NRDC: variants seen among roughly 807,000 people sequenced by gnomAD.
NRDC encodes the protein nardilysin convertase, also known as nardilysin.
NRDC carries 54 observed loss-of-function variants against 147.1 expected under a neutral mutation model. The observed-to-expected ratio is 0.37, with a 90% CI of 0.29 to 0.46. The LOEUF (loss-of-function observed/expected upper bound fraction) is 0.46, where lower values mean the gene tolerates loss of function less well. NRDC is among the 20% of genes least tolerant of loss of function. The probability of loss-of-function intolerance (pLI) is 1.00; values close to 1 mark genes in which losing one functional copy is unlikely to be tolerated. For synonymous variants in NRDC, 440 were observed against 482.1 expected, an observed-to-expected ratio of 0.91 and a Z score of 1.14; for missense variants, 1,082 against 1,370.6, an observed-to-expected ratio of 0.79 and a Z score of 3.33.
chr1:51,823,906 G>C, intron 6 of NRDC, 120 bp from the exon 7 acceptor site: 1 of 571,006 alleles, frequency 1.8e-6, no homozygotes, highest in South Asian at 3.4e-5. Context: ...AGGGACTCAA[G>C]AATATTGAAC....
intron 6 of NRDC, among the ~76,000 whole-genome samples, chr1:51,824,264 T>C (rs569434412): frequency 6.4e-4 from 98 of 152,216 alleles, no homozygotes; most frequent in African/African-American, 2.3e-3. Flanking sequence ...TAGCTGGGAC[T>C]ACAGGCATGA....
At chr1:51,877,006 G>A (rs560731858) in intron 1 of NRDC, among the ~76,000 whole-genome samples, 10 of 152,164 alleles carry the variant, frequency 6.6e-5, no homozygotes, top group Non-Finnish European at 2.9e-5. Flanking sequence ...GGCCAATATG[G>A]TGAAACCCCG....
intron 20 of NRDC, 100 bp downstream of exon 20, chr1:51,803,714 A>T: frequency 1.1e-6 from 1 of 903,844 alleles, no homozygotes; most frequent in Non-Finnish European, 1.7e-6. Flanking sequence ...ATCCACATTA[A>T]TAAACATTTA....
At chr1:51,835,474 T>G (rs1223579868) in intron 3 of NRDC, among the ~76,000 whole-genome samples, 5 of 147,028 alleles carry the variant, frequency 3.4e-5, no homozygotes, top group Middle Eastern at 3.4e-3. Context: ...CTTGTTTTTT[T>G]TTTTTTTTTT....
chr1:51,822,025 G>A (rs1680233045), intron 7 of NRDC, among the ~76,000 whole-genome samples: 1 of 151,558 alleles, frequency 6.6e-6, no homozygotes, highest in Non-Finnish European at 1.5e-5. Flanking sequence ...TAACTCATAG[G>A]TCTTCTTTTT....
intron 1 of NRDC, chr1:51,862,256 G>T (rs950528094): frequency 6.6e-6 from 1 of 151,198 alleles, no homozygotes; most frequent in Non-Finnish European, 1.5e-5. Context: ...TTTCCCCCCC[G>T]CCAATAAAAG....
chr1:51,795,326 T>A, intron 22 of NRDC: 1 of 737,522 alleles, frequency 1.4e-6, no homozygotes, highest in Non-Finnish European at 1.9e-6. Flanking sequence ...AGCTCTTCTC[T>A]AAAGTGATTT....
intron 22 of NRDC, among the ~76,000 whole-genome samples, chr1:51,797,307 C>T (rs1355708948): frequency 6.6e-6 from 1 of 152,126 alleles, no homozygotes. Flanking sequence ...ATTCTGTACC[C>T]ATAAAATAAC....
intron 20 of NRDC, among the ~76,000 whole-genome samples, chr1:51,803,193 C>T (rs757431173): frequency 5.9e-5 from 9 of 152,242 alleles, no homozygotes; most frequent in Admixed American, 3.3e-4. Context: ...TGTTATTCCA[C>T]AGCCGGCATG....
At chr1:51,837,419 A>C (rs898066089) in intron 2 of NRDC, 1 of 1,360,938 alleles carries the variant, frequency 7.3e-7, no homozygotes, top group Non-Finnish European at 9.7e-7. Flanking sequence ...CAGTTAAAAC[A>C]TTGGGGAATA....
At chr1:51,847,280 G>A (rs1024477895) in intron 1 of NRDC, among the ~76,000 whole-genome samples, 6 of 152,312 alleles carry the variant, frequency 3.9e-5, no homozygotes, top group South Asian at 2.1e-4. Context: ...AAGGTTCTCC[G>A]AGTCCCCACT....
intron 20 of NRDC, 115 bp from the exon 21 acceptor site, chr1:51,800,798 G>C (rs1378667369): frequency 1.0e-6 from 1 of 999,834 alleles, no homozygotes; most frequent in South Asian, 1.7e-5. Context: ...AGGCATTGTG[G>C]GGGGACATAA....
chr1:51,835,065 T>C (rs1288177608), intron 3 of NRDC, among the ~76,000 whole-genome samples: 1 of 152,168 alleles, frequency 6.6e-6, no homozygotes, highest in Non-Finnish European at 1.5e-5. Context: ...TTTTTTTGTT[T>C]GTTTGTTTGT....
chr1:51,828,882 T>A (rs1680576036), intron 4 of NRDC, among the ~76,000 whole-genome samples: 1 of 152,112 alleles, frequency 6.6e-6, no homozygotes, highest in South Asian at 2.1e-4. Flanking sequence ...CCATTTTTTT[T>A]TAAATCTTTA....
At chr1:51,866,796 T>C (rs1208054252) in intron 1 of NRDC, among the ~76,000 whole-genome samples, 4 of 152,186 alleles carry the variant, frequency 2.6e-5, no homozygotes, top group African/African-American at 4.8e-5. Flanking sequence ...AAAAAGTATG[T>C]TTAATAAAAA....
intron 1 of NRDC, among the ~76,000 whole-genome samples, chr1:51,865,315 T>G (rs1334573502): frequency 6.6e-5 from 10 of 151,850 alleles, no homozygotes; most frequent in Non-Finnish European, 2.9e-5. Flanking sequence ...GTTTTGTTTT[T>G]TTTTTTTGAG....
intron 22 of NRDC, among the ~76,000 whole-genome samples, chr1:51,797,404 TG>T: frequency 6.6e-6 from 1 of 152,214 alleles, no homozygotes. Context: ...ATAACTCCTA[TG>T]AGTGGAATCA....
intron 1 of NRDC, among the ~76,000 whole-genome samples, chr1:51,845,315 G>A (rs899016331): frequency 1.3e-5 from 2 of 152,122 alleles, no homozygotes; most frequent in Admixed American, 6.5e-5. Flanking sequence ...CTTTTGGCCC[G>A]GCCGCAGTGG....
intron 1 of NRDC, among the ~76,000 whole-genome samples, chr1:51,846,543 G>C (rs954247174): frequency 6.6e-6 from 1 of 152,270 alleles, no homozygotes; most frequent in Non-Finnish European, 1.5e-5. Flanking sequence ...AAAGCGGCTT[G>C]TTTGGAGTTT....
Sources: allele counts gnomAD v4.1 joint callset (sites outside exome capture counted in the v4.1 genomes callset), GRCh38; gene constraint gnomAD v4.1.1; transcripts MANE v1.5; gene names NCBI Gene and HGNC (gene_info 2026-07-23, HGNC 2026-07-21).